Variants in MAP2K5 observed in about 807,000 individuals in gnomAD.
MAP2K5 encodes the protein mitogen-activated protein kinase kinase 5.
A neutral mutation model predicts 83.1 loss-of-function variants in MAP2K5; 49 were observed. The ratio of observed to expected loss-of-function variants is 0.59; its 90% CI spans 0.47 to 0.75. The LOEUF is 0.75. MAP2K5 is among the 30% of genes least tolerant of loss of function. The pLI is 0.00. For synonymous variants in MAP2K5, 202 were observed against 191.8 expected (o/e 1.05, Z -0.44); for missense variants, 457 against 557.5 (o/e 0.82, Z 1.82).
intron 1 of MAP2K5, among the ~76,000 whole-genome samples, chr15:67,547,596 C>T (rs543314168): frequency 6.6e-6 from 1 of 151,854 alleles, no homozygotes; most frequent in South Asian, 2.1e-4. Context: ...GCTGGGATTA[C>T]AGATACACAC....
In MAP2K5 at chr15:67,662,509, G is replaced by C. The variant is rs147903506; in HGVS notation, c.799-2088G>C. Among the ~76,000 whole-genome samples, 598 of 152,218 alleles carry C rather than the reference G, an allele frequency of 3.9e-3. 2 individuals carry two copies. The highest frequency in any genetic ancestry group is 9.9e-3 in the South Asian group (48 of 4,826). On this transcript the variant is annotated intron_variant, in intron 12 of 21. Transcript: ENST00000178640. ...AATAGTGATTTGTTCAGTGTATCTG[G>C]TGTCTAATTATGAATAGTCAACCTT... is the stretch of plus-strand genomic sequence containing the variant.
At chr15:67,803,749 AG>A (rs1281812419) in intron 21 of MAP2K5, among the ~76,000 whole-genome samples, 1 of 152,212 alleles carries the variant, frequency 6.6e-6, no homozygotes, top group Admixed American at 6.5e-5. Flanking sequence ...GGGATGGTCT[AG>A]GCTTACAGCC....
intron 11 of MAP2K5, among the ~76,000 whole-genome samples, chr15:67,656,386 G>A (rs544969558): frequency 4.0e-5 from 6 of 150,294 alleles, no homozygotes; most frequent in South Asian, 2.1e-4. Context: ...GTGCAGTGGC[G>A]CAGTCTCTGC....
rs1415897789 is a variant in MAP2K5, at chr15:67,775,533, C to T, written c.1242+2781C>T. The stretch of plus-strand genomic sequence containing the variant: ...TAATTGAATTTGTTAGTTGATATAC[C>T]ATTGTGCACAGTCTTGTTCTAGACT... On this transcript the variant is annotated intron_variant, in intron 21 of 21. Coordinates refer to ENST00000178640, the MANE Select transcript of MAP2K5 (RefSeq NM_145160.3). This position sits in a 1 kb window ranked among gnomAD's most constrained non-coding sequence, Gnocchi z 5.3. 1.3e-5 allele frequency among the ~76,000 whole-genome samples: 2 copies of T among 152,192 alleles called. No homozygotes were observed. Among genetic ancestry groups the T allele is most frequent in the Non-Finnish European group, 2.9e-5 (2 of 68,044 alleles).
At chr15:67,576,249 ATAAACT>A (rs931204181) in intron 3 of MAP2K5, among the ~76,000 whole-genome samples, 1 of 147,396 alleles carries the variant, frequency 6.8e-6, no homozygotes. Context: ...TTTGTGCCTC[ATAAACT>A]TAAACTGTGC....
At chr15:67,804,513 C>T (rs1200558374) in intron 21 of MAP2K5, among the ~76,000 whole-genome samples, 2 of 152,256 alleles carry the variant, frequency 1.3e-5, no homozygotes, top group African/African-American at 4.8e-5. Context: ...AGCTGAGCAG[C>T]CCTCTCCCCT....
At chr15:67,771,943 C>T (rs189125354) in intron 20 of MAP2K5, among the ~76,000 whole-genome samples, 13 of 152,260 alleles carry the variant, frequency 8.5e-5, no homozygotes, top group African/African-American at 3.1e-4. Context: ...ATCAAGTAGG[C>T]AGCTGCCCAC....
rs1225059703 is a variant in MAP2K5, at chr15:67,785,018, C to T, written c.1242+12266C>T. Reference sequence around the variant, plus strand: ...GCAGTGACACGATCTTGGCTCAGTGCAGCCTCAATCTCCCAGGCTCAGGTG... The same window carrying T: ...GCAGTGACACGATCTTGGCTCAGTGTAGCCTCAATCTCCCAGGCTCAGGTG... On this transcript the variant is annotated intron_variant, in intron 21 of 21. Coordinates refer to ENST00000178640, the MANE Select transcript of MAP2K5 (RefSeq NM_145160.3). This position sits in a 1 kb window ranked among gnomAD's most constrained non-coding sequence, Gnocchi z 4.4. Among the ~76,000 whole-genome samples the T allele has an allele frequency of 6.6e-6, 1 of 152,220 alleles. No individual in the cohort carries two copies. The highest frequency in any genetic ancestry group is 1.5e-5 in the Non-Finnish European group (1 of 68,048).
chr15:67,679,312 C>T (rs1046011217), intron 13 of MAP2K5, among the ~76,000 whole-genome samples: 2 of 152,032 alleles, frequency 1.3e-5, no homozygotes, highest in African/African-American at 2.4e-5. Flanking sequence ...CAGTTTCCTG[C>T]GTGAGGCAGT....
intron 15 of MAP2K5, among the ~76,000 whole-genome samples, chr15:67,697,361 C>T (rs544759985): frequency 1.3e-5 from 2 of 152,270 alleles, no homozygotes; most frequent in Admixed American, 1.3e-4. Context: ...TTATTATTCT[C>T]ATTTTAGAGA....
At chr15:67,723,724 T>C (rs2089022996) in intron 16 of MAP2K5, among the ~76,000 whole-genome samples, 1 of 152,168 alleles carries the variant, frequency 6.6e-6, no homozygotes, top group Admixed American at 6.5e-5. Context: ...CTGGCACTTA[T>C]ATGTGTCTAC....
intron 9 of MAP2K5, among the ~76,000 whole-genome samples, chr15:67,643,407 C>T (rs28418298): frequency 0.25 from 37,568 of 152,098 alleles, 5,613 homozygotes; most frequent in East Asian, 0.6. Context: ...ATTACACTTA[C>T]AGTCTAGTTT....
intron 20 of MAP2K5, among the ~76,000 whole-genome samples, chr15:67,771,389 C>A (rs527586718): frequency 1.3e-5 from 2 of 152,256 alleles, no homozygotes; most frequent in African/African-American, 4.8e-5. Context: ...GGGGGTGGGG[C>A]TGGTCTGAGC....
intron 8 of MAP2K5, among the ~76,000 whole-genome samples, chr15:67,615,920 C>T (rs2141054852): frequency 6.6e-6 from 1 of 152,192 alleles, no homozygotes; most frequent in East Asian, 1.9e-4. Context: ...GTTGTTCAGC[C>T]TTATAATCTT....
intron 16 of MAP2K5, among the ~76,000 whole-genome samples, chr15:67,725,312 C>G (rs1252198273): frequency 6.6e-6 from 1 of 152,242 alleles, no homozygotes; most frequent in African/African-American, 2.4e-5. Flanking sequence ...GGAGCCTGGC[C>G]TCTCTGTAGA....
intron 13 of MAP2K5, among the ~76,000 whole-genome samples, chr15:67,678,962 CAAA>C (rs35828534): frequency 1.7e-5 from 2 of 115,946 alleles, no homozygotes; most frequent in African/African-American, 3.3e-5. Context: ...CACTGCATCT[CAAA>C]AAAAAAAAAA....
At position 67,632,097 on chromosome 15, in the gene MAP2K5, A is replaced by ATTT. The variant is rs35811067; in HGVS notation, c.585+1184_585+1186dup. Among the ~76,000 whole-genome samples the ATTT allele has an allele frequency of 2.5e-3, 351 of 140,844 alleles. 4 individuals are homozygous for ATTT. The highest frequency in any genetic ancestry group is 7.1e-3 in the African/African-American group (268 of 37,970). The allele number at this position is 140,844 out of a possible 152,430, so 92.4% of individuals were successfully genotyped here. A position where few individuals can be genotyped will look rare whatever the true frequency, so the allele number is the denominator to read the frequency against. ...TACTATATGCCAAGTATTATGCTAG[A>ATTT]TTTTTTTTTTTTTTTTGATTGAGAC... On this transcript the variant is annotated intron_variant, in intron 9 of 21. Coordinates refer to ENST00000178640, the MANE Select transcript of MAP2K5 (RefSeq NM_145160.3).
chr15:67,741,712 A>T (rs2089496827), intron 17 of MAP2K5, among the ~76,000 whole-genome samples: 1 of 152,118 alleles, frequency 6.6e-6, no homozygotes, highest in Non-Finnish European at 1.5e-5. Flanking sequence ...ATAGAGGGCA[A>T]CCAAAATACC....
At position 67,628,062 on chromosome 15, in the gene MAP2K5, A is replaced by G. The variant is rs1194468939; in HGVS notation, c.546-2826A>G. ...CCCTGTGGAGGCAGTGGATGCAGCC[A>G]TGAATGCAAGGCCACGCAAGGTGGA... On this transcript the variant is annotated intron_variant, in intron 8 of 21. Transcript: ENST00000178640. 41 of 737,786 alleles carry G rather than the reference A, an allele frequency of 5.6e-5. No homozygotes were observed. The East Asian group carries it at 5.9e-4, about 11-fold the overall frequency. 45.7% of individuals were successfully genotyped at this position (737,786 alleles called of 1,614,324 possible).
Sources: gnomAD v4.1 joint callset for allele counts (sites outside exome capture counted in the v4.1 genomes callset) on GRCh38, gnomAD v4.1.1 for gene constraint, Gnocchi (gnomAD v3.1) non-coding constraint, MANE v1.5 for transcripts, NCBI Gene and HGNC (gene_info 2026-07-23, HGNC 2026-07-21) for gene names.